IRAG2: variants seen among roughly 807,000 people sequenced by gnomAD.
IRAG2 encodes lymphoid restricted membrane protein.
IRAG2 carries 45 observed loss-of-function variants against 69.9 expected under a neutral mutation model. The ratio of observed to expected loss-of-function variants is 0.64; its 90% CI spans 0.51 to 0.83. The LOEUF (loss-of-function observed/expected upper bound fraction) is 0.83. IRAG2 is among the 40% of genes least tolerant of loss of function. The pLI, the probability that IRAG2 is intolerant of heterozygous loss-of-function variation, is 0.00. For synonymous variants in IRAG2, 193 were observed against 202.4 expected, an observed-to-expected ratio of 0.95 and a Z score of 0.40; for missense variants, 520 against 587.0, an observed-to-expected ratio of 0.89 and a Z score of 1.18.
upstream of IRAG2, chr12:25,052,111 C>G (rs1396523321): frequency 5.1e-6 from 2 of 393,414 alleles, no homozygotes; most frequent in Non-Finnish European, 8.9e-6. Flanking sequence ...ACTTTTTCCT[C>G]TGATCTCTAA....
intron 14 of IRAG2, 88 bp from the exon 15 acceptor site, chr12:25,096,822 G>T: frequency 1.0e-6 from 1 of 952,462 alleles, no homozygotes; most frequent in Non-Finnish European, 1.6e-6. Flanking sequence ...AGATTAGAAT[G>T]TCATCCACAT....
At chr12:25,061,291 G>T (rs766859233) in intron 1 of IRAG2, among the ~76,000 whole-genome samples, 1 of 152,150 alleles carries the variant, frequency 6.6e-6, no homozygotes, top group Non-Finnish European at 1.5e-5. Flanking sequence ...GTGGGAGGCC[G>T]GGGTGGGTGG....
intron 3 of IRAG2, among the ~76,000 whole-genome samples, chr12:25,012,984 A>G (rs939628186): frequency 1.3e-5 from 2 of 152,236 alleles, no homozygotes; most frequent in East Asian, 3.8e-4. Flanking sequence ...AAGTAATGTT[A>G]GTGTAATCAA....
chr12:25,049,111 T>C (rs1944819942), upstream of IRAG2, among the ~76,000 whole-genome samples: 1 of 152,190 alleles, frequency 6.6e-6, no homozygotes, highest in South Asian at 2.1e-4. Context: ...TATGTATCTG[T>C]TTTTGTACCA....
At chr12:25,067,155 A>C (rs1322615302) in intron 5 of IRAG2, among the ~76,000 whole-genome samples, 3 of 152,104 alleles carry the variant, frequency 2.0e-5, no homozygotes, top group Non-Finnish European at 4.4e-5. Flanking sequence ...TTCACATTCA[A>C]AGTTAACACA....
chr12:25,092,023 T>G (rs1948095480), intron 14 of IRAG2, among the ~76,000 whole-genome samples: 1 of 152,192 alleles, frequency 6.6e-6, no homozygotes, highest in African/African-American at 2.4e-5. Context: ...TCCCAACACT[T>G]TGGAAGGCTG....
At chr12:25,048,318 T>A (rs978343024), upstream of IRAG2, among the ~76,000 whole-genome samples, 8 of 152,134 alleles carry the variant, frequency 5.3e-5, no homozygotes, top group African/African-American at 1.9e-4. Context: ...TTTGAGACAG[T>A]CTCTCTCTGT....
chr12:25,087,180 T>TTTTTTTTTTTTGTTG (rs1450270058), intron 10 of IRAG2, among the ~76,000 whole-genome samples: 3 of 125,170 alleles, frequency 2.4e-5, no homozygotes, highest in African/African-American at 9.4e-5. Context: ...TTTTTTTTTT[T>TTTTTTTTTTTTGTTG]TTGTTGAGAC....
intron 8 of IRAG2, among the ~76,000 whole-genome samples, chr12:25,026,512 G>A (rs143086355): frequency 5.9e-5 from 9 of 152,276 alleles, no homozygotes; most frequent in Non-Finnish European, 1.0e-4. Flanking sequence ...GGGTTCCAGG[G>A]GGGATTGAAG....
intron 11 of IRAG2, among the ~76,000 whole-genome samples, chr12:25,088,981 C>A (rs557844393): frequency 6.6e-6 from 1 of 152,198 alleles, no homozygotes; most frequent in South Asian, 2.1e-4. Flanking sequence ...GGCTTAATGA[C>A]TTTGTGACTT....
chr12:25,001,284 A>T (rs1944389329), upstream of IRAG2, among the ~76,000 whole-genome samples: 1 of 152,002 alleles, frequency 6.6e-6, no homozygotes, highest in African/African-American at 2.4e-5. Flanking sequence ...AGTACAAAAA[A>T]AATTAAAAAA....
intron 14 of IRAG2, among the ~76,000 whole-genome samples, chr12:25,092,365 A>T (rs1315256370): frequency 6.7e-6 from 1 of 149,804 alleles, no homozygotes; most frequent in African/African-American, 2.5e-5. Flanking sequence ...ACACCACTGC[A>T]CTCCAGCCTG....
At chr12:25,011,452 T>C in exon 3 of IRAG2, 1 of 1,231,704 alleles carries the variant, frequency 8.1e-7, no homozygotes, top group East Asian at 3.2e-5. Context: ...CTTGAGCAGT[T>C]GTGGAACATG....
chr12:25,086,198 T>C (rs1247472496), intron 10 of IRAG2, among the ~76,000 whole-genome samples: 1 of 152,174 alleles, frequency 6.6e-6, no homozygotes, highest in Non-Finnish European at 1.5e-5. Context: ...GAAGGTAGTA[T>C]GAATTTAGTG....
chr12:25,051,198 G>A (rs1233257660), upstream of IRAG2, among the ~76,000 whole-genome samples: 1 of 152,168 alleles, frequency 6.6e-6, no homozygotes, highest in Non-Finnish European at 1.5e-5. Context: ...ATTGAAGGAC[G>A]CTCAGTGGAA....
chr12:25,039,377 T>C (rs1944728636), intron 16 of IRAG2, among the ~76,000 whole-genome samples: 1 of 152,222 alleles, frequency 6.6e-6, no homozygotes, highest in Non-Finnish European at 1.5e-5. Context: ...AGATGGGGGC[T>C]AAGTGGACAC....
intron 1 of IRAG2, among the ~76,000 whole-genome samples, chr12:25,060,528 A>G (rs1945551163): frequency 6.6e-6 from 1 of 152,050 alleles, no homozygotes; most frequent in Non-Finnish European, 1.5e-5. Context: ...TCTGCACATC[A>G]GTGTTCTCAT....
chr12:25,051,763 C>G (rs532414674), upstream of IRAG2, among the ~76,000 whole-genome samples: 47 of 152,314 alleles, frequency 3.1e-4, 2 homozygotes, highest in African/African-American at 1.0e-3. Context: ...ATTGACAACC[C>G]TTAAGGAGAA....
intron 10 of IRAG2, among the ~76,000 whole-genome samples, chr12:25,085,359 G>A (rs1418309649): frequency 3.3e-5 from 5 of 151,856 alleles, no homozygotes; most frequent in Non-Finnish European, 5.9e-5. Context: ...GAATGGGAAG[G>A]GGGTATTCCC....
Sources: gnomAD v4.1 joint callset for allele counts (sites outside exome capture counted in the v4.1 genomes callset) on GRCh38, gnomAD v4.1.1 for gene constraint, MANE v1.5 for transcripts, NCBI Gene and HGNC (gene_info 2026-07-23, HGNC 2026-07-21) for gene names.